Variants in CUL3 observed in about 807,000 individuals in gnomAD.
The protein encoded by CUL3 is cullin-3.
CUL3 carries 19 observed loss-of-function variants against 89.1 expected under a neutral mutation model. The observed-to-expected ratio is 0.21, with a 90% confidence interval of 0.15 to 0.31. The LOEUF is 0.31. Ranked by LOEUF, CUL3 falls within the 10% of genes least tolerant of loss-of-function variation. CUL3 has a pLI of 1.00. For missense variants in CUL3, 469 were observed against 942.3 expected (o/e 0.50, Z 6.58); for synonymous variants, 351 against 308.4 (o/e 1.14, Z -1.45).
chr2:224,564,266 G>C (rs1045580487), intron 1 of CUL3, among the ~76,000 whole-genome samples: 1 of 152,208 alleles, frequency 6.6e-6, no homozygotes, highest in African/African-American at 2.4e-5. Flanking sequence ...CTGGGCAACA[G>C]AGCAAGACTC....
chr2:224,582,049 C>A (rs562242984), intron 1 of CUL3, among the ~76,000 whole-genome samples: 1 of 152,190 alleles, frequency 6.6e-6, no homozygotes, highest in South Asian at 2.1e-4. Context: ...ACTGCAACCT[C>A]GGCCTTACAG....
At chr2:224,487,704 G>A (rs1691787100) in intron 13 of CUL3, among the ~76,000 whole-genome samples, 1 of 152,132 alleles carries the variant, frequency 6.6e-6, no homozygotes, top group African/African-American at 2.4e-5. Flanking sequence ...CAATGAGACA[G>A]AAAATTAACA....
intron 3 of CUL3, among the ~76,000 whole-genome samples, chr2:224,530,741 T>C (rs940383847): frequency 2.0e-5 from 3 of 152,014 alleles, no homozygotes; most frequent in Admixed American, 2.0e-4. Context: ...ACCCCATCTC[T>C]ACCAAAAATA....
chr2:224,572,198 G>A (rs1177748238), intron 1 of CUL3, among the ~76,000 whole-genome samples: 1 of 152,164 alleles, frequency 6.6e-6, no homozygotes, highest in East Asian at 1.9e-4. Context: ...TTCAAGTCAG[G>A]AGTGTATCCC....
chr2:224,529,346 G>A (rs1693601125), intron 3 of CUL3, among the ~76,000 whole-genome samples: 1 of 152,022 alleles, frequency 6.6e-6, no homozygotes, highest in Non-Finnish European at 1.5e-5. Context: ...GGCTGGGTGT[G>A]GTGGCTCACG....
intron 2 of CUL3, among the ~76,000 whole-genome samples, chr2:224,549,876 A>G (rs549054852): frequency 2.1e-4 from 32 of 152,130 alleles, no homozygotes; most frequent in African/African-American, 7.7e-4. Context: ...ACACACACAC[A>G]CGCACACACA....
intron 1 of CUL3, among the ~76,000 whole-genome samples, chr2:224,582,797 G>C (rs1402922874): frequency 6.6e-6 from 1 of 152,166 alleles, no homozygotes; most frequent in East Asian, 1.9e-4. Context: ...CAGGGATCTT[G>C]GTCTTTCTAG....
Position 224,500,358 on chromosome 2 carries a change from T to C in CUL3, c.1610+5A>G. 6.2e-7 allele frequency: 1 copy of C among 1,613,944 alleles called. No homozygotes were observed. Among genetic ancestry groups the C allele is most frequent in the Non-Finnish European group, 8.5e-7 (1 of 1,179,894 alleles). On this transcript the variant is annotated splice_donor_5th_base_variant and intron_variant, in intron 11 of 15. Transcript: ENST00000264414. ...ACAGTGATACAAAGTCTGATTTTGA[T>C]TTACCTTCTGAATATCTCAAAAGCA...
chr2:224,578,450 T>C (rs996999021), intron 1 of CUL3, among the ~76,000 whole-genome samples: 13 of 152,180 alleles, frequency 8.5e-5, no homozygotes, highest in African/African-American at 2.9e-4. Flanking sequence ...TGTTTCCAAG[T>C]GGTAGGATTA....
chr2:224,551,206 T>A (rs1290288129), intron 2 of CUL3, among the ~76,000 whole-genome samples: 3 of 131,086 alleles, frequency 2.3e-5, no homozygotes, highest in Admixed American at 1.5e-4. Context: ...AGCCCGGCAA[T>A]TTTTTTTTTT....
rs2106304724 is a variant in CUL3, at chr2:224,557,772, C to T, written c.151G>A (p.Gly51Ser). 1.9e-6 allele frequency: 3 copies of T among 1,599,844 alleles called. No homozygotes were observed. The highest frequency in any genetic ancestry group is 2.6e-6 in the Non-Finnish European group (3 of 1,172,152). ...IQEIQRKNNS[G>S]LSFEELYRNA... ...CTATAGAGCTCCTCAAAACTAAGAC[C>T]ACTGTTATTCTTACGCTGGATTTCT... Residue 51 changes from glycine to serine, a missense_variant, in exon 2 of 16, where the codon GGT becomes AGT. Gly to Ser is a moderately conservative substitution (Grantham distance 56). Transcript: ENST00000264414.
rs189701026 is a variant in CUL3, at chr2:224,476,171, C to T, written c.2176-1795G>A. The stretch of plus-strand genomic sequence containing the variant: ...CCCGAGTAGTTGGGATTACAGGCAC[C>T]CACCACCAGCTAATTTTTGTATTTT... On this transcript the variant is annotated intron_variant, in intron 15 of 15. Coordinates refer to ENST00000264414, the MANE Select transcript of CUL3 (RefSeq NM_003590.5). Among the ~76,000 whole-genome samples the T allele has an allele frequency of 4.8e-3, 725 of 152,034 alleles. 9 individuals carry two copies. The highest frequency in any genetic ancestry group is 0.017 in the African/African-American group (700 of 41,466).
intron 3 of CUL3, chr2:224,532,831 G>A (rs1280662756): frequency 6.6e-6 from 1 of 152,146 alleles, no homozygotes; most frequent in Non-Finnish European, 1.5e-5. Context: ...AAGGTAGAAA[G>A]GGATTGACCC....
intron 3 of CUL3, among the ~76,000 whole-genome samples, chr2:224,528,284 C>G (rs1433020113): frequency 6.6e-6 from 1 of 152,144 alleles, no homozygotes; most frequent in Non-Finnish European, 1.5e-5. Flanking sequence ...TCTTCTTTGA[C>G]TAGTGCCCCC....
chr2:224,542,076 A>G (rs1694129631), intron 2 of CUL3, among the ~76,000 whole-genome samples: 1 of 152,204 alleles, frequency 6.6e-6, no homozygotes, highest in African/African-American at 2.4e-5. Flanking sequence ...TTATTTGAAA[A>G]TTGGGCCCTG....
intron 3 of CUL3, among the ~76,000 whole-genome samples, chr2:224,516,319 T>C (rs948111674): frequency 1.4e-4 from 12 of 88,658 alleles, no homozygotes; most frequent in Non-Finnish European, 2.1e-4. Flanking sequence ...TTTTGTTTGC[T>C]TTTTTTTTTT....
At position 224,473,536 on chromosome 2, in the gene CUL3, TTC is replaced by T. The variant is rs1323108676; in HGVS notation, c.*707_*708del. On this transcript the variant is annotated 3_prime_UTR_variant, in exon 16 of 16. Transcript: ENST00000264414. ...TACAATTTACACATACTAAAATACT[TTC>T]TTTCTCTAGAAATAACTCAGAACAA... 5 of 183,320 alleles carry T rather than the reference TTC, an allele frequency of 2.7e-5. No homozygotes were observed. The highest frequency in any genetic ancestry group is 2.5e-4 in the Admixed American group (4 of 16,010). 11.4% of individuals were successfully genotyped at this position (183,320 alleles called of 1,614,324 possible).
At chr2:224,545,489 C>T (rs1694260219) in intron 2 of CUL3, among the ~76,000 whole-genome samples, 1 of 152,164 alleles carries the variant, frequency 6.6e-6, no homozygotes, top group Admixed American at 6.5e-5. Context: ...CAAATTCATT[C>T]TCAGTGGAAA....
chr2:224,471,783 A>C lies in CUL3; in HGVS notation c.*2462T>G, dbSNP rs1489163115. 4.4e-6 allele frequency: 1 copy of C among 227,472 alleles called. No homozygotes were observed. The highest frequency in any genetic ancestry group is 8.7e-6 in the Non-Finnish European group (1 of 114,596). The allele number at this position is 227,472 out of a possible 1,614,324, so 14.1% of individuals were successfully genotyped here. A position where few individuals can be genotyped will look rare whatever the true frequency, so the allele number is the denominator to read the frequency against. ...AATAAACACTGTCCTGGACTTGATAATGAAGGCAGAGAATTACACTTTAAC... is the reference window on the plus strand; with the variant it reads ...AATAAACACTGTCCTGGACTTGATACTGAAGGCAGAGAATTACACTTTAAC... On this transcript the variant is annotated 3_prime_UTR_variant, in exon 16 of 16. Coordinates refer to ENST00000264414, the MANE Select transcript of CUL3 (RefSeq NM_003590.5).
Sources: allele counts gnomAD v4.1 joint callset (sites outside exome capture counted in the v4.1 genomes callset), GRCh38; gene constraint gnomAD v4.1.1; transcripts MANE v1.5; gene names NCBI Gene and HGNC (gene_info 2026-07-23, HGNC 2026-07-21).